Variants in KIF24 observed in about 807,000 individuals in gnomAD.
KIF24 encodes the protein kinesin family member 24.
In KIF24, 81 loss-of-function variants were observed where a neutral mutation model predicts 118.9. The observed-to-expected ratio is 0.68, with a 90% CI of 0.57 to 0.82. The LOEUF is 0.82. Ranked by LOEUF, KIF24 falls within the 40% of genes least tolerant of loss-of-function variation. The pLI, the probability that KIF24 is intolerant of heterozygous loss-of-function variation, is 0.00. For missense variants in KIF24, 1,560 were observed against 1,661.6 expected (o/e 0.94, Z 1.06); for synonymous variants, 599 against 610.0 (o/e 0.98, Z 0.27).
intron 3 of KIF24, among the ~76,000 whole-genome samples, chr9:34,305,031 A>G (rs953349417): frequency 2.0e-5 from 3 of 152,190 alleles, no homozygotes; most frequent in Non-Finnish European, 4.4e-5. Context: ...TTAACATCCA[A>G]TGGATTATCT....
intron 6 of KIF24, among the ~76,000 whole-genome samples, chr9:34,286,202 T>C (rs573611050): frequency 1.1e-4 from 17 of 152,082 alleles, no homozygotes; most frequent in Admixed American, 3.9e-4. Context: ...GGTGTGGTGG[T>C]GGGAGCCTGT....
intron 4 of KIF24, among the ~76,000 whole-genome samples, chr9:34,294,461 T>C (rs1233444378): frequency 6.6e-6 from 1 of 151,950 alleles, no homozygotes; most frequent in African/African-American, 2.4e-5. Flanking sequence ...GGCAGGAGAA[T>C]CACTTGAACC....
intron 6 of KIF24, among the ~76,000 whole-genome samples, chr9:34,280,782 A>C (rs1435934156): frequency 6.6e-6 from 1 of 152,180 alleles, no homozygotes; most frequent in African/African-American, 2.4e-5. Flanking sequence ...TCATCCCTTA[A>C]GCAAAATTTA....
At chr9:34,268,254 C>G (rs932886955) in intron 8 of KIF24, among the ~76,000 whole-genome samples, 2 of 152,008 alleles carry the variant, frequency 1.3e-5, no homozygotes, top group African/African-American at 4.8e-5. Context: ...ACCTCCACCT[C>G]CTGGGTTCAA....
intron 3 of KIF24, among the ~76,000 whole-genome samples, chr9:34,299,823 C>CGT (rs34056151): frequency 0.01 from 1,368 of 133,250 alleles, 5 homozygotes; most frequent in African/African-American, 0.025. Context: ...TGTGTGTGTG[C>CGT]GTGTGTGTGT....
chr9:34,297,015 A>G lies in KIF24; in HGVS notation c.911+2T>C, dbSNP rs1430366993. 5 of 1,478,304 alleles carry G rather than the reference A, an allele frequency of 3.4e-6. No individual in the cohort carries two copies. The highest frequency in any genetic ancestry group is 4.7e-6 in the Non-Finnish European group (5 of 1,067,306). 91.6% of individuals were successfully genotyped at this position (1,478,304 alleles called of 1,614,324 possible). ...AAAAAAAGCAAATAATCATTATCGT[A>G]CCCATTGAAAATATGCTGAATAAGT... On this transcript the variant is annotated splice_donor_variant, in intron 4 of 12. Transcript: ENST00000402558. LOFTEE classifies it high-confidence loss of function.
chr9:34,311,376 A>G lies in KIF24; in HGVS notation c.-25-5T>C. 6.8e-7 allele frequency: 1 copy of G among 1,468,292 alleles called. No homozygotes were observed. The highest frequency in any genetic ancestry group is 9.1e-7 in the Non-Finnish European group (1 of 1,102,492). The allele number at this position is 1,468,292 out of a possible 1,614,324, so 91.0% of individuals were successfully genotyped here. A position where few individuals can be genotyped will look rare whatever the true frequency, so the allele number is the denominator to read the frequency against. On this transcript the variant is annotated splice_polypyrimidine_tract_variant and splice_region_variant and intron_variant, in intron 1 of 12. Transcript: ENST00000402558. ...GTGAATAGGTTTCTATAAACTCTGA[A>G]GAGAGAAAGAAAAGCCATTCGCTTG...
At chr9:34,311,492 A>C (rs1028706337) in intron 1 of KIF24, 121 bp from the exon 2 acceptor site, 6 of 484,144 alleles carry the variant, frequency 1.2e-5, no homozygotes, top group Non-Finnish European at 7.1e-6. Context: ...TTATCTGTCA[A>C]GTTCTCAATA....
chr9:34,277,478 C>T (rs921652268), intron 6 of KIF24, among the ~76,000 whole-genome samples: 1 of 152,038 alleles, frequency 6.6e-6, no homozygotes, highest in African/African-American at 2.4e-5. Flanking sequence ...CACAAGGAAA[C>T]GTGGATATGA....
Position 34,292,481 on chromosome 9 carries a change from A to C in KIF24, c.912-2092T>G, listed in dbSNP as rs1011867345. Among the ~76,000 whole-genome samples the C allele has an allele frequency of 2.6e-5, 4 of 152,250 alleles. 1 individual carries two copies. The highest frequency in any genetic ancestry group is 4.1e-4 in the South Asian group (2 of 4,824). On this transcript the variant is annotated intron_variant, in intron 4 of 12. Transcript: ENST00000402558. The stretch of plus-strand genomic sequence containing the variant: ...CCTGTCTCCTGGGCTTGCGTTCTTA[A>C]CTTTGGCAAATAAATCTACAATGAT...
chr9:34,293,021 C>T lies in KIF24; in HGVS notation c.912-2632G>A, dbSNP rs74691796. 6.5e-3 allele frequency among the ~76,000 whole-genome samples: 996 copies of T among 152,274 alleles called. 8 individuals carry two copies. The highest frequency in any genetic ancestry group is 0.023 in the African/African-American group (937 of 41,570). On this transcript the variant is annotated intron_variant, in intron 4 of 12. Transcript: ENST00000402558. ...AATTCTAACTTATTTTAGAAACTTA[C>T]TCCTCAAAAAGCATTCCCTAGATTT... is the stretch of plus-strand genomic sequence containing the variant.
At chr9:34,326,967 G>GA (rs1334538781) in intron 1 of KIF24, among the ~76,000 whole-genome samples, 2 of 152,012 alleles carry the variant, frequency 1.3e-5, no homozygotes, top group African/African-American at 4.8e-5. Context: ...TGCTGACTTG[G>GA]AAAAAATGTT....
chr9:34,332,775 T>C (rs1278167235), upstream of KIF24, among the ~76,000 whole-genome samples: 3 of 152,208 alleles, frequency 2.0e-5, no homozygotes, highest in Non-Finnish European at 4.4e-5. Context: ...AAGGTGCATT[T>C]GAGGGAATAT....
chr9:34,283,859 G>C (rs1232284450), intron 6 of KIF24, among the ~76,000 whole-genome samples: 1 of 152,164 alleles, frequency 6.6e-6, no homozygotes, highest in Non-Finnish European at 1.5e-5. Flanking sequence ...AAACACTCCA[G>C]ACTGGCAAAA....
Position 34,253,942 on chromosome 9 carries a change from G to A in KIF24, c.*438C>T. The A allele has an allele frequency of 6.4e-6, 1 of 155,130 alleles. No individual in the cohort carries two copies. Among genetic ancestry groups the A allele is most frequent in the East Asian group, 1.9e-4 (1 of 5,300 alleles). 9.6% of individuals were successfully genotyped at this position (155,130 alleles called of 1,614,324 possible). ...TGTTTAGTCTTCTAAGTTAGGCACA[G>A]AATTCAGCTGGTGAAGCCTCTGGTC... On this transcript the variant is annotated 3_prime_UTR_variant, in exon 13 of 13. Transcript: ENST00000402558.
At position 34,318,744 on chromosome 9, in the gene KIF24, C is replaced by T. The variant is rs1034565974; in HGVS notation, c.-25-7373G>A. The T allele has an allele frequency of 8.6e-5, 129 of 1,500,910 alleles. No homozygotes were observed. Among genetic ancestry groups the T allele is most frequent in the Non-Finnish European group, 1.1e-4 (121 of 1,093,266 alleles). 93.0% of individuals were successfully genotyped at this position (1,500,910 alleles called of 1,614,324 possible). On this transcript the variant is annotated intron_variant, in intron 1 of 12. Coordinates refer to ENST00000402558, the MANE Select transcript of KIF24 (RefSeq NM_194313.4). This position sits in a 1 kb window ranked among gnomAD's most constrained non-coding sequence, Gnocchi z 4.9. ...GAGGTGCACGCCGGCGTGGGCGAGCCGCTGCGTTCACTCAGCAACTCCACC... is the reference window on the plus strand; with the variant it reads ...GAGGTGCACGCCGGCGTGGGCGAGCTGCTGCGTTCACTCAGCAACTCCACC...
intron 1 of KIF24, among the ~76,000 whole-genome samples, chr9:34,323,593 G>A (rs1454614430): frequency 6.6e-6 from 1 of 152,180 alleles, no homozygotes; most frequent in Non-Finnish European, 1.5e-5. Flanking sequence ...CCACACTGCA[G>A]TCATAAAATA....
At chr9:34,283,487 G>A (rs1835930387) in intron 6 of KIF24, among the ~76,000 whole-genome samples, 1 of 152,056 alleles carries the variant, frequency 6.6e-6, no homozygotes, top group Non-Finnish European at 1.5e-5. Context: ...GAATGTTACG[G>A]TATATGAACT....
chr9:34,328,923 G>A (rs1837774223), intron 1 of KIF24, among the ~76,000 whole-genome samples, 183 bp downstream of exon 1: 2 of 152,180 alleles, frequency 1.3e-5, no homozygotes, highest in African/African-American at 2.4e-5. Flanking sequence ...CAGAGATATG[G>A]GGATGAAAGA....
Sources: gnomAD v4.1 joint callset for allele counts (sites outside exome capture counted in the v4.1 genomes callset) on GRCh38, gnomAD v4.1.1 for gene constraint, Gnocchi (gnomAD v3.1) non-coding constraint, MANE v1.5 for transcripts, NCBI Gene and HGNC (gene_info 2026-07-23, HGNC 2026-07-21) for gene names.